Variants in KIF26B observed in about 807,000 individuals in gnomAD.
KIF26B encodes the protein kinesin-like protein KIF26B.
KIF26B carries 63 observed loss-of-function variants against 151.2 expected under a neutral mutation model. That is an observed-to-expected ratio of 0.42 (90% confidence interval 0.34 to 0.51). The LOEUF (loss-of-function observed/expected upper bound fraction) is 0.51. Among genes scored for constraint, KIF26B ranks in the 20% least tolerant of loss-of-function variants. The pLI, the probability that KIF26B is intolerant of heterozygous loss-of-function variation, is 0.07. For synonymous variants in KIF26B, 1,357 were observed against 1,262.1 expected (o/e 1.08, Z -1.59); for missense variants, 2,813 against 2,913.6 (o/e 0.97, Z 0.79).
intron 2 of KIF26B, among the ~76,000 whole-genome samples, chr1:245,303,318 C>A (rs1671471585): frequency 6.6e-6 from 1 of 150,680 alleles, no homozygotes; most frequent in Non-Finnish European, 1.5e-5. Flanking sequence ...CCTGCCTCAG[C>A]CTCCCGAGTA....
At position 245,455,655 on chromosome 1, in the gene KIF26B, G is replaced by C. The variant is rs1286883318; in HGVS notation, c.1166+35910G>C. Among the ~76,000 whole-genome samples, 3 of 152,326 alleles carry C rather than the reference G, an allele frequency of 2.0e-5. No individual in the cohort carries two copies. The East Asian group carries it at 5.8e-4, about 29-fold the overall frequency. The stretch of plus-strand genomic sequence containing the variant: ...TGCCTTCTTCTCCCGTCATTGAGAA[G>C]AGCCTTATTAGATACAGATGGATGA... On this transcript the variant is annotated intron_variant, in intron 4 of 14. Coordinates refer to ENST00000407071, the MANE Select transcript of KIF26B (RefSeq NM_018012.4).
chr1:245,464,487 G>A (rs1183983443), intron 4 of KIF26B, among the ~76,000 whole-genome samples: 2 of 150,792 alleles, frequency 1.3e-5, no homozygotes, highest in Non-Finnish European at 3.0e-5. Flanking sequence ...GTGTGTGCCC[G>A]TGGGTGTGTG....
intron 2 of KIF26B, among the ~76,000 whole-genome samples, chr1:245,219,232 G>A (rs555410133): frequency 5.2e-5 from 7 of 135,704 alleles, no homozygotes; most frequent in East Asian, 4.8e-4. Flanking sequence ...TTTGCCTCCC[G>A]GGTTCACACC....
At chr1:245,389,526 G>A (rs1230594032) in intron 3 of KIF26B, among the ~76,000 whole-genome samples, 3 of 152,078 alleles carry the variant, frequency 2.0e-5, no homozygotes, top group African/African-American at 7.2e-5. Context: ...TACTAGAATT[G>A]GCTAATAGGG....
At chr1:245,682,779 C>T (rs970483655) in intron 10 of KIF26B, among the ~76,000 whole-genome samples, 7 of 152,346 alleles carry the variant, frequency 4.6e-5, no homozygotes, top group South Asian at 2.1e-4. Flanking sequence ...GAGCCCAAGA[C>T]GCATCCAGGT....
At chr1:245,316,381 C>T (rs964961885) in intron 2 of KIF26B, among the ~76,000 whole-genome samples, 1 of 152,086 alleles carries the variant, frequency 6.6e-6, no homozygotes, top group African/African-American at 2.4e-5. Context: ...GCCTCGGTCT[C>T]CCAAAGTTCT....
chr1:245,282,848 G>A lies in KIF26B; in HGVS notation c.466-83986G>A, dbSNP rs147783678. 787 of 220,566 alleles carry A rather than the reference G, an allele frequency of 3.6e-3. 6 individuals are homozygous for A. Among genetic ancestry groups the A allele is most frequent in the African/African-American group, 0.018 (757 of 43,218 alleles). The allele number at this position is 220,566 out of a possible 1,614,324, so 13.7% of individuals were successfully genotyped here. On this transcript the variant is annotated intron_variant, in intron 2 of 14. Coordinates refer to ENST00000407071, the MANE Select transcript of KIF26B (RefSeq NM_018012.4). ...AAGAAAAAGAGCATAATTTGTCTGT[G>A]AGCAGCAATTATTTTCCCTTATTGG...
intron 2 of KIF26B, among the ~76,000 whole-genome samples, chr1:245,321,215 G>A (rs1671881304): frequency 6.6e-6 from 1 of 152,206 alleles, no homozygotes; most frequent in African/African-American, 2.4e-5. Context: ...GCACAGTTGT[G>A]CCTTTTCTAG....
intron 4 of KIF26B, among the ~76,000 whole-genome samples, chr1:245,478,237 A>G (rs975451607): frequency 4.6e-5 from 7 of 151,738 alleles, no homozygotes; most frequent in African/African-American, 1.7e-4. Context: ...TGCATTCATC[A>G]GTGGATGGAC....
intron 14 of KIF26B, 47 bp downstream of exon 14, chr1:245,699,084 G>T (rs763633515): frequency 6.3e-7 from 1 of 1,581,154 alleles, no homozygotes; most frequent in Non-Finnish European, 8.6e-7. Flanking sequence ...GGGTTCACCT[G>T]CTCAACCGGG....
chr1:245,287,623 C>T (rs1462094365), intron 2 of KIF26B, among the ~76,000 whole-genome samples: 2 of 151,960 alleles, frequency 1.3e-5, no homozygotes, highest in East Asian at 3.9e-4. Context: ...CCCGCCTCAG[C>T]CTTCCAATTA....
intron 4 of KIF26B, among the ~76,000 whole-genome samples, chr1:245,522,084 T>G (rs369620639): frequency 6.6e-6 from 1 of 152,128 alleles, no homozygotes; most frequent in African/African-American, 2.4e-5. Flanking sequence ...TTAGCCAGGA[T>G]GGTCTCGATC....
At chr1:245,322,638 T>C (rs1001547302) in intron 2 of KIF26B, among the ~76,000 whole-genome samples, 8 of 152,200 alleles carry the variant, frequency 5.3e-5, no homozygotes, top group African/African-American at 1.9e-4. Flanking sequence ...ATTACCTGTT[T>C]GTATGGCATA....
chr1:245,263,435 C>T lies in KIF26B; in HGVS notation c.466-103399C>T, dbSNP rs137993496. On this transcript the variant is annotated intron_variant, in intron 2 of 14. Transcript: ENST00000407071. Reference sequence around the variant, plus strand: ...TCACTCAGTAGTCATAATGTTAGCACGGTTGATGCATTGACACGCTCTAGT... The same window carrying T: ...TCACTCAGTAGTCATAATGTTAGCATGGTTGATGCATTGACACGCTCTAGT... Among the ~76,000 whole-genome samples the T allele has an allele frequency of 1.9e-3, 284 of 152,274 alleles. 2 individuals carry two copies. The highest frequency in any genetic ancestry group is 6.4e-3 in the African/African-American group (267 of 41,554).
intron 2 of KIF26B, among the ~76,000 whole-genome samples, chr1:245,177,770 T>C (rs1668836511): frequency 6.6e-6 from 1 of 151,992 alleles, no homozygotes; most frequent in Non-Finnish European, 1.5e-5. Flanking sequence ...AAAATGACCC[T>C]TCAAATGAGA....
intron 9 of KIF26B, among the ~76,000 whole-genome samples, chr1:245,639,660 G>A (rs753897182): frequency 6.6e-6 from 1 of 151,746 alleles, no homozygotes; most frequent in Non-Finnish European, 1.5e-5. Flanking sequence ...CTGGCATATT[G>A]TATTTCCATT....
At chr1:245,603,203 T>C (rs1172553521) in intron 6 of KIF26B, among the ~76,000 whole-genome samples, 2 of 152,104 alleles carry the variant, frequency 1.3e-5, no homozygotes, top group East Asian at 3.9e-4. Flanking sequence ...AGGCCCTGTA[T>C]AAGCACACTG....
chr1:245,156,902 C>T (rs1252328313), intron 2 of KIF26B, among the ~76,000 whole-genome samples: 2 of 152,210 alleles, frequency 1.3e-5, no homozygotes, highest in African/African-American at 4.8e-5. Flanking sequence ...GACCGAGTCC[C>T]GAGCGCGAAG....
In KIF26B at chr1:245,453,031, A is replaced by G. The variant is rs948389754; in HGVS notation, c.1166+33286A>G. On this transcript the variant is annotated intron_variant, in intron 4 of 14. Transcript: ENST00000407071. ...TCCTAAGTTGCAAAGATTTACCTGT[A>G]TGTTTTCTCCTAAGGGTTTTATAGT... Among the ~76,000 whole-genome samples the G allele has an allele frequency of 9.2e-5, 14 of 152,162 alleles. No individual in the cohort carries two copies. In the South Asian group the frequency reaches 1.0e-3, roughly 11 times the overall value.
Sources: gnomAD v4.1 joint callset for allele counts (sites outside exome capture counted in the v4.1 genomes callset) on GRCh38, gnomAD v4.1.1 for gene constraint, MANE v1.5 for transcripts, NCBI Gene and HGNC (gene_info 2026-07-23, HGNC 2026-07-21) for gene names.